UBXN8: variants seen among roughly 807,000 people sequenced by gnomAD.
The protein encoded by UBXN8 is UBX domain protein 8.
Under a neutral mutation model 32.1 loss-of-function variants are expected in UBXN8, and 27 were observed. The observed-to-expected ratio is 0.84, with a 90% CI of 0.62 to 1.16. The LOEUF (loss-of-function observed/expected upper bound fraction) is 1.16, where lower values mean the gene tolerates loss of function less well. Ranked by LOEUF, UBXN8 falls within the 50% of genes most tolerant of loss-of-function variation. UBXN8 has a pLI of 0.00. For synonymous variants in UBXN8, 109 were observed against 111.8 expected (o/e 0.98, Z 0.16); for missense variants, 306 against 311.4 (o/e 0.98, Z 0.13).
At chr8:30,760,438 TATA>T in intron 5 of UBXN8, among the ~76,000 whole-genome samples, 1 of 47,924 alleles carries the variant, frequency 2.1e-5, no homozygotes, top group African/African-American at 8.6e-5. Context: ...TATATATATA[TATA>T]TATTTTTTTT....
intron 7 of UBXN8, 80 bp downstream of exon 7, chr8:30,763,427 G>A: frequency 1.5e-6 from 2 of 1,337,738 alleles, no homozygotes; most frequent in East Asian, 2.3e-5. Flanking sequence ...GGGGGAAGGT[G>A]TGATCACACT....
chr8:30,731,737 G>A (rs1163979999), upstream of UBXN8, among the ~76,000 whole-genome samples: 2 of 152,146 alleles, frequency 1.3e-5, no homozygotes, highest in Non-Finnish European at 2.9e-5. Flanking sequence ...AGTTAAGCCC[G>A]GGGCCCAGCC....
Position 30,751,437 on chromosome 8 carries a change from C to A in UBXN8, c.130C>A (p.Leu44Met), listed in dbSNP as rs746207427. 1.9e-6 allele frequency: 3 copies of A among 1,604,510 alleles called. No individual in the cohort carries two copies. The African/African-American group carries it at 4.0e-5, about 21-fold the overall frequency. Residue 44 changes from leucine (L) to methionine (M), a missense_variant, in exon 2 of 8, where the codon CTG (leucine) becomes ATG (methionine). By Grantham distance (15) the Leu-to-Met change is conservative. Transcript: ENST00000265616. ...FLLLCGRILL[L>M]LALLTLTISV... Reference sequence around the variant, plus strand: ...TTTGCTTTGTGGCCGGATTTTGCTACTGCTTGCTCTTCTTACTTTAACTAT... The same window carrying A: ...TTTGCTTTGTGGCCGGATTTTGCTAATGCTTGCTCTTCTTACTTTAACTAT...
intron 1 of UBXN8, among the ~76,000 whole-genome samples, chr8:30,749,323 G>T (rs1255448638): frequency 2.6e-5 from 4 of 151,298 alleles, no homozygotes; most frequent in Non-Finnish European, 2.9e-5. Context: ...AACCCAGGAG[G>T]CAGAGGTTGC....
chr8:30,759,682 T>C (rs546455014), intron 5 of UBXN8, among the ~76,000 whole-genome samples: 2 of 150,222 alleles, frequency 1.3e-5, no homozygotes, highest in African/African-American at 2.4e-5. Context: ...ATGGGCCGGG[T>C]GTGGTGGCTC....
At position 30,744,205 on chromosome 8, in the gene UBXN8, G is replaced by C. The variant is rs1254718218; in HGVS notation, c.16G>C (p.Val6Leu). Residue 6 changes from valine (V) to leucine (L), a missense_variant, in exon 1 of 8, where the codon GTT becomes CTT. By Grantham distance (32) the Val-to-Leu change is conservative. Transcript: ENST00000265616. ...TTCCGCCACCATGGCTTCACGTGGG[G>C]TTGTTGGCATTTTCTTCCTCTCTGC... MASRG[V>L]VGIFFLSAVP... 3 of 1,613,568 alleles carry C rather than the reference G, an allele frequency of 1.9e-6. No homozygotes were observed. The highest frequency in any genetic ancestry group is 2.2e-5 in the East Asian group (1 of 44,892).
chr8:30,747,321 T>C (rs187306027), intron 1 of UBXN8, among the ~76,000 whole-genome samples: 1,253 of 122,492 alleles, frequency 0.01, 198 homozygotes, highest in African/African-American at 0.038. Context: ...TTTTTTTTTT[T>C]TTTTTTTGAG....
At chr8:30,763,054 G>C (rs1476517463) in intron 6 of UBXN8, 2 of 505,840 alleles carry the variant, frequency 4.0e-6, no homozygotes, top group Non-Finnish European at 3.5e-6. Context: ...TTTTTATGGC[G>C]GGGGGTGTCT....
chr8:30,747,455 T>G (rs1436514192), intron 1 of UBXN8, among the ~76,000 whole-genome samples: 1 of 138,896 alleles, frequency 7.2e-6, no homozygotes, highest in Non-Finnish European at 1.5e-5. Context: ...GGATTACTGG[T>G]GTGCACCACT....
intron 1 of UBXN8, among the ~76,000 whole-genome samples, chr8:30,744,667 G>C (rs1805316631): frequency 6.6e-6 from 1 of 152,234 alleles, no homozygotes; most frequent in Non-Finnish European, 1.5e-5. Flanking sequence ...GAACTCCTGG[G>C]TTCAAGAGAT....
chr8:30,737,950 T>C (rs1300001954), intron 1 of UBXN8, among the ~76,000 whole-genome samples: 1 of 152,074 alleles, frequency 6.6e-6, no homozygotes, highest in African/African-American at 2.4e-5. Flanking sequence ...AAAGCTAAAA[T>C]ACAAAGCTTT....
chr8:30,747,894 C>CTTTTTTTTTTTTTTTTTTTTTTTTTTTT (rs67334347), intron 1 of UBXN8, among the ~76,000 whole-genome samples: 9 of 35,640 alleles, frequency 2.5e-4, no homozygotes, highest in Non-Finnish European at 3.8e-4. Flanking sequence ...TATATTTTTT[C>CTTTTTTTTTTTTTTTTTTTTTTTTTTTT]TTTTTTTTTT....
intron 1 of UBXN8, among the ~76,000 whole-genome samples, chr8:30,749,350 G>A (rs191237215): frequency 0.038 from 5,559 of 148,000 alleles, 280 homozygotes; most frequent in African/African-American, 0.12. Flanking sequence ...CCAAGATTGC[G>A]CCACTGCACT....
intron 1 of UBXN8, among the ~76,000 whole-genome samples, chr8:30,736,090 G>T (rs1805065389): frequency 6.6e-6 from 1 of 152,022 alleles, no homozygotes. Context: ...AATAACACAA[G>T]GAAAGGAATA....
intron 3 of UBXN8, among the ~76,000 whole-genome samples, chr8:30,753,974 G>A (rs1586099185): frequency 6.6e-6 from 1 of 152,028 alleles, no homozygotes; most frequent in African/African-American, 2.4e-5. Context: ...AGGCGTGGTG[G>A]TGCACGCCTG....
chr8:30,741,762 T>C (rs936157300), upstream of UBXN8, among the ~76,000 whole-genome samples: 2 of 152,164 alleles, frequency 1.3e-5, no homozygotes, highest in Non-Finnish European at 2.9e-5. Flanking sequence ...AATGTTCTTT[T>C]CTAATGCTGT....
intron 5 of UBXN8, among the ~76,000 whole-genome samples, chr8:30,758,143 G>A (rs771891194): frequency 3.8e-4 from 58 of 152,040 alleles, no homozygotes; most frequent in Non-Finnish European, 7.8e-4. Flanking sequence ...TGATCCGCCC[G>A]CCTTGGCCTC....
upstream of UBXN8, among the ~76,000 whole-genome samples, chr8:30,732,045 C>T (rs1586082106): frequency 7.0e-6 from 1 of 142,762 alleles, no homozygotes; most frequent in Admixed American, 6.9e-5. Flanking sequence ...CTTTCTTTAG[C>T]ATCAGATTAG....
At chr8:30,753,381 C>G (rs563170778) in intron 3 of UBXN8, among the ~76,000 whole-genome samples, 2 of 152,212 alleles carry the variant, frequency 1.3e-5, no homozygotes, top group East Asian at 3.9e-4. Context: ...CTCTGCCTCC[C>G]GAGTAGCTGG....
Sources: gnomAD v4.1 joint callset for allele counts (sites outside exome capture counted in the v4.1 genomes callset) on GRCh38, gnomAD v4.1.1 for gene constraint, MANE v1.5 for transcripts, NCBI Gene and HGNC (gene_info 2026-07-23, HGNC 2026-07-21) for gene names.